AFF3: variants seen among roughly 807,000 people sequenced by gnomAD.
AFF3 encodes AF4/FMR2 family member 3.
A neutral mutation model predicts 129.7 loss-of-function variants in AFF3; 32 were observed. That is an observed-to-expected ratio of 0.25 (90% CI 0.19 to 0.33). The LOEUF is 0.33. Ranked by LOEUF, AFF3 falls within the 10% of genes least tolerant of loss-of-function variation. The probability of loss-of-function intolerance (pLI) is 1.00; values close to 1 mark genes in which losing one functional copy is unlikely to be tolerated. For synonymous variants in AFF3, 644 were observed against 635.4 expected (o/e 1.01, Z -0.20); for missense variants, 1,373 against 1,592.0 (o/e 0.86, Z 2.34).
intron 7 of AFF3, among the ~76,000 whole-genome samples, chr2:99,933,781 T>C (rs1035352639): frequency 1.1e-4 from 16 of 152,182 alleles, no homozygotes; most frequent in African/African-American, 2.9e-4. Context: ...GTCTTTGCTA[T>C]TGTGAATAGT....
chr2:100,130,529 G>T (rs1378728567), intron 1 of AFF3, among the ~76,000 whole-genome samples: 3 of 152,228 alleles, frequency 2.0e-5, no homozygotes, highest in Non-Finnish European at 4.4e-5. Flanking sequence ...CCATCCACGG[G>T]CTCAGCCGTG....
At chr2:99,629,422 GAACAA>G (rs1682920851) in intron 13 of AFF3, among the ~76,000 whole-genome samples, 1 of 152,138 alleles carries the variant, frequency 6.6e-6, no homozygotes, top group South Asian at 2.1e-4. Flanking sequence ...TGTCACAGAA[GAACAA>G]AATACCTAGG....
intron 4 of AFF3, among the ~76,000 whole-genome samples, chr2:100,066,558 A>C (rs1329415691): frequency 2.6e-5 from 4 of 152,178 alleles, no homozygotes; most frequent in African/African-American, 2.4e-5. Flanking sequence ...CATTATAGAC[A>C]TACAGCTACT....
intron 7 of AFF3, among the ~76,000 whole-genome samples, chr2:99,974,776 T>C (rs1487492489): frequency 6.6e-6 from 1 of 152,206 alleles, no homozygotes; most frequent in East Asian, 1.9e-4. Context: ...AAAAGGCTAA[T>C]TAATGAGATC....
At chr2:100,012,348 C>G (rs1008499464) in intron 4 of AFF3, among the ~76,000 whole-genome samples, 2 of 152,204 alleles carry the variant, frequency 1.3e-5, no homozygotes, top group Non-Finnish European at 2.9e-5. Context: ...CTTCTTAAAA[C>G]TAACCTACCC....
chr2:99,864,485 T>C (rs1031817488), intron 7 of AFF3, among the ~76,000 whole-genome samples: 4 of 152,176 alleles, frequency 2.6e-5, no homozygotes, highest in African/African-American at 7.2e-5. Context: ...AATAGACTTG[T>C]AGGCTGGGAG....
chr2:99,575,851 C>T (rs1427540062), intron 18 of AFF3, among the ~76,000 whole-genome samples: 9 of 152,102 alleles, frequency 5.9e-5, no homozygotes, highest in Non-Finnish European at 1.3e-4. Context: ...TCTTTGTTGA[C>T]ACCAATAGTG....
intron 7 of AFF3, among the ~76,000 whole-genome samples, chr2:99,946,508 G>A (rs1032450874): frequency 2.2e-3 from 196 of 88,240 alleles, no homozygotes; most frequent in Non-Finnish European, 3.5e-3. Context: ...AAAAAAAAAA[G>A]ATGGGGATGG....
chr2:99,993,455 T>C (rs1158609969), intron 7 of AFF3, among the ~76,000 whole-genome samples: 2 of 151,966 alleles, frequency 1.3e-5, no homozygotes, highest in Non-Finnish European at 2.9e-5. Context: ...TAAGTAATCA[T>C]TGGGGGGCAT....
chr2:99,742,693 T>G (rs1029078634), intron 10 of AFF3, among the ~76,000 whole-genome samples: 2 of 152,182 alleles, frequency 1.3e-5, no homozygotes, highest in African/African-American at 2.4e-5. Context: ...TAGCTGTCAT[T>G]TTTTTAGCCA....
At chr2:99,831,087 G>C (rs1450789673) in intron 8 of AFF3, among the ~76,000 whole-genome samples, 1 of 152,208 alleles carries the variant, frequency 6.6e-6, no homozygotes, top group Non-Finnish European at 1.5e-5. Context: ...GGAAACTGGA[G>C]TCCCAGAGAA....
intron 10 of AFF3, among the ~76,000 whole-genome samples, chr2:99,740,931 T>C (rs1306617944): frequency 6.6e-6 from 1 of 152,232 alleles, no homozygotes; most frequent in Non-Finnish European, 1.5e-5. Flanking sequence ...TTTTATGGTT[T>C]TAGGTCTAAC....
intron 8 of AFF3, among the ~76,000 whole-genome samples, chr2:99,805,917 A>T (rs1357997027): frequency 6.6e-6 from 1 of 151,970 alleles, no homozygotes; most frequent in Non-Finnish European, 1.5e-5. Flanking sequence ...TCTTCACATC[A>T]CAAGTAACCA....
At chr2:99,686,996 T>C (rs1171940395) in intron 11 of AFF3, among the ~76,000 whole-genome samples, 1 of 152,198 alleles carries the variant, frequency 6.6e-6, no homozygotes, top group African/African-American at 2.4e-5. Context: ...TGCAAACCAA[T>C]GATGAATAAG....
chr2:99,601,464 T>G lies in AFF3; in HGVS notation c.1342A>C (p.Ser448Arg), dbSNP rs1679824172. ...TESSSSESEGSKPPHFSSPEA... is the reference protein window; with the variant it reads ...TESSSSESEGRKPPHFSSPEA... The stretch of plus-strand genomic sequence containing the variant: ...GGGCTGGAGAAGTGGGGGGGCTTGC[T>G]GCCCTCACTCTCGCTGGAGCTGCTC... The change falls in exon 14 of 25, where the codon AGC (serine) becomes CGC (arginine). Residue 448 changes from serine to arginine, a missense_variant. Physicochemically the swap from Ser to Arg is moderately radical, Grantham distance 110 (BLOSUM62 -1). Around this residue, in one of 9 missense-constraint regions of AFF3, gnomAD observed 413 missense variants for 424.4 expected, o/e 0.97. Transcript: ENST00000672756. The G allele has an allele frequency of 1.2e-6, 2 of 1,609,186 alleles. No individual in the cohort carries two copies. Among genetic ancestry groups the G allele is most frequent in the African/African-American group, 2.7e-5 (2 of 74,866 alleles).
At chr2:99,943,598 T>C (rs887526526) in intron 7 of AFF3, among the ~76,000 whole-genome samples, 2 of 152,336 alleles carry the variant, frequency 1.3e-5, no homozygotes, top group Non-Finnish European at 2.9e-5. Context: ...CTTTATCAAG[T>C]GACTGAGTTT....
chr2:99,989,166 A>G (rs1171628036), intron 7 of AFF3, among the ~76,000 whole-genome samples: 2 of 152,238 alleles, frequency 1.3e-5, no homozygotes. Flanking sequence ...AGTGCTGGTC[A>G]TTTTAAGTAT....
At chr2:99,701,399 T>C (rs1174484613) in intron 11 of AFF3, among the ~76,000 whole-genome samples, 2 of 152,242 alleles carry the variant, frequency 1.3e-5, no homozygotes, top group Non-Finnish European at 2.9e-5. Flanking sequence ...AGTATTCTCA[T>C]CAGGTATGCT....
intron 7 of AFF3, among the ~76,000 whole-genome samples, chr2:99,854,247 CAAAA>C (rs59998550): frequency 9.2e-5 from 9 of 97,842 alleles, no homozygotes; most frequent in Non-Finnish European, 7.1e-5. Context: ...CTATCTATAG[CAAAA>C]AAAAAAAAAA....
Sources: allele counts gnomAD v4.1 joint callset (sites outside exome capture counted in the v4.1 genomes callset), GRCh38; gene constraint gnomAD v4.1.1; regional missense constraint gnomAD v4.1.1; transcripts MANE v1.5; gene names NCBI Gene and HGNC (gene_info 2026-07-23, HGNC 2026-07-21).